UGGT2: variants seen among roughly 807,000 people sequenced by gnomAD.
UGGT2 encodes UDP-glucose glycoprotein glucosyltransferase 2.
In UGGT2, 180 loss-of-function variants were observed where a neutral mutation model predicts 192.1. The ratio of observed to expected loss-of-function variants is 0.94; its 90% CI spans 0.83 to 1.06. The LOEUF is 1.06. Among genes scored for constraint, UGGT2 ranks in the 50% least tolerant of loss-of-function variants. The pLI, the probability that UGGT2 is intolerant of heterozygous loss-of-function variation, is 0.00. For missense variants in UGGT2, 1,849 were observed against 1,795.7 expected, an observed-to-expected ratio of 1.03 and a Z score of -0.54; for synonymous variants, 580 against 591.0, an observed-to-expected ratio of 0.98 and a Z score of 0.27.
chr13:95,856,032 T>C lies in UGGT2; in HGVS notation c.4008+126A>G, dbSNP rs1889575561. On this transcript the variant is annotated intron_variant, in intron 34 of 38. Coordinates refer to ENST00000376747, the MANE Select transcript of UGGT2 (RefSeq NM_020121.4). ...TTTTTAAAGATACTTTGCTTATATATCACAATCGTATCTTAAGCACCGTAA... is the reference window on the plus strand; with the variant it reads ...TTTTTAAAGATACTTTGCTTATATACCACAATCGTATCTTAAGCACCGTAA... The C allele has an allele frequency of 1.8e-5, 14 of 763,334 alleles. No homozygotes were observed. In the East Asian group the frequency reaches 4.0e-4, roughly 22 times the overall value. The allele number at this position is 763,334 out of a possible 1,614,324, so 47.3% of individuals were successfully genotyped here.
chr13:95,890,212 A>G (rs560490554), intron 25 of UGGT2, among the ~76,000 whole-genome samples: 92 of 152,326 alleles, frequency 6.0e-4, no homozygotes, highest in Non-Finnish European at 1.0e-3. Flanking sequence ...TATCCAATTA[A>G]GCTTAAGCTT....
At chr13:95,886,916 G>A (rs147008992) in intron 26 of UGGT2, among the ~76,000 whole-genome samples, 163 of 152,102 alleles carry the variant, frequency 1.1e-3, no homozygotes, top group African/African-American at 3.4e-3. Flanking sequence ...AAAACTGTGC[G>A]TGGTGGCACG....
chr13:95,909,179 T>C (rs2048392561), intron 20 of UGGT2, among the ~76,000 whole-genome samples: 1 of 152,138 alleles, frequency 6.6e-6, no homozygotes, highest in South Asian at 2.1e-4. Context: ...TAGCCAGTTT[T>C]CCCAGCACCA....
chr13:95,947,973 T>G (rs1473060210), intron 14 of UGGT2, 23 bp downstream of exon 14: 1 of 1,575,610 alleles, frequency 6.3e-7, no homozygotes, highest in Non-Finnish European at 8.7e-7. Context: ...GTTGACAGTT[T>G]AATGCTATAA....
chr13:95,910,532 T>C (rs561551025), intron 20 of UGGT2, among the ~76,000 whole-genome samples: 1 of 152,234 alleles, frequency 6.6e-6, no homozygotes, highest in South Asian at 2.1e-4. Flanking sequence ...TGAACAAGAA[T>C]AGCTAACTAT....
chr13:95,838,711 G>C (rs1043169887), intron 36 of UGGT2, among the ~76,000 whole-genome samples: 3 of 151,976 alleles, frequency 2.0e-5, no homozygotes, highest in African/African-American at 7.2e-5. Flanking sequence ...GTTAATCAAA[G>C]AAAGAAAAAC....
At chr13:95,831,071 T>C (rs1404613907) in intron 38 of UGGT2, among the ~76,000 whole-genome samples, 1 of 149,350 alleles carries the variant, frequency 6.7e-6, no homozygotes, top group East Asian at 2.0e-4. Flanking sequence ...AGGTGGGAAA[T>C]GAACAATGAG....
chr13:95,952,355 G>T, intron 12 of UGGT2, among the ~76,000 whole-genome samples: 1 of 152,066 alleles, frequency 6.6e-6, no homozygotes, highest in East Asian at 1.9e-4. Flanking sequence ...TCTGTAGGGG[G>T]ATAGGTTCCA....
chr13:96,015,707 T>C (rs1435847470), intron 4 of UGGT2, among the ~76,000 whole-genome samples: 1 of 152,202 alleles, frequency 6.6e-6, no homozygotes, highest in Non-Finnish European at 1.5e-5. Context: ...TGAAGACAAT[T>C]TTGTAGTATA....
chr13:95,902,528 C>A (rs1224721182), intron 21 of UGGT2, among the ~76,000 whole-genome samples: 1 of 151,810 alleles, frequency 6.6e-6, no homozygotes. Flanking sequence ...TGAAACCCCC[C>A]CCATAATGGA....
At chr13:96,047,662 C>CA (rs2053356847) in intron 1 of UGGT2, among the ~76,000 whole-genome samples, 2 of 151,264 alleles carry the variant, frequency 1.3e-5, no homozygotes, top group South Asian at 2.1e-4. Flanking sequence ...AAATGGGAAA[C>CA]AAAAAAAAGC....
chr13:95,836,261 G>A (rs1332662300), intron 37 of UGGT2, among the ~76,000 whole-genome samples: 3 of 152,134 alleles, frequency 2.0e-5, no homozygotes, highest in Non-Finnish European at 2.9e-5. Context: ...TGTTAGCAAC[G>A]CTGGTCTCGA....
In UGGT2 at chr13:95,849,025, G is replaced by A. The variant is rs562333752; in HGVS notation, c.4284+4518C>T. 2.6e-3 allele frequency among the ~76,000 whole-genome samples: 396 copies of A among 151,950 alleles called. 1 individual carries two copies. Among genetic ancestry groups the A allele is most frequent in the Non-Finnish European group, 5.1e-3 (350 of 67,984 alleles). ...ATTTATACTTAAATATTATTTTGGT[G>A]CTAATTTAAATGATACTGTGTTTTT... On this transcript the variant is annotated intron_variant, in intron 36 of 38. Transcript: ENST00000376747.
intron 8 of UGGT2, among the ~76,000 whole-genome samples, chr13:95,987,208 A>G (rs560480214): frequency 1.3e-5 from 2 of 152,208 alleles, no homozygotes; most frequent in East Asian, 3.9e-4. Flanking sequence ...ATTCAGCCCC[A>G]AAGTCTGCTT....
intron 10 of UGGT2, among the ~76,000 whole-genome samples, chr13:95,982,128 G>C (rs2051145792): frequency 6.6e-6 from 1 of 152,174 alleles, no homozygotes; most frequent in South Asian, 2.1e-4. Context: ...GGCCATAGTG[G>C]CCCTGAGTAA....
chr13:95,824,560 T>G (rs987237936), intron 38 of UGGT2, among the ~76,000 whole-genome samples: 1 of 152,200 alleles, frequency 6.6e-6, no homozygotes, highest in Non-Finnish European at 1.5e-5. Context: ...TTCTTTTGTC[T>G]ACATGTTGTA....
intron 17 of UGGT2, among the ~76,000 whole-genome samples, chr13:95,935,869 C>A (rs1375836993): frequency 2.0e-5 from 3 of 152,138 alleles, no homozygotes; most frequent in Non-Finnish European, 4.4e-5. Flanking sequence ...CTCTGTCATC[C>A]AGGCTAGAGT....
At chr13:95,994,650 T>C (rs1197745294) in intron 7 of UGGT2, among the ~76,000 whole-genome samples, 3 of 152,004 alleles carry the variant, frequency 2.0e-5, no homozygotes, top group African/African-American at 7.2e-5. Flanking sequence ...AAAAACTTCC[T>C]AAACAAGTAT....
chr13:95,822,153 A>G (rs1280737582), intron 38 of UGGT2, among the ~76,000 whole-genome samples: 1 of 152,176 alleles, frequency 6.6e-6, no homozygotes, highest in African/African-American at 2.4e-5. Flanking sequence ...TGCATTGGGC[A>G]GTATGGTCAT....
Sources: allele counts gnomAD v4.1 joint callset (sites outside exome capture counted in the v4.1 genomes callset), GRCh38; gene constraint gnomAD v4.1.1; transcripts MANE v1.5; gene names NCBI Gene and HGNC (gene_info 2026-07-23, HGNC 2026-07-21).